MAF: variants seen among roughly 807,000 people sequenced by gnomAD.
MAF encodes the protein MAF bZIP transcription factor, also known as transcription factor Maf.
A neutral mutation model predicts 22.0 loss-of-function variants in MAF; 10 were observed. The observed-to-expected ratio is 0.45, with a 90% CI of 0.28 to 0.77. MAF has a LOEUF of 0.77. Ranked by LOEUF, MAF falls within the 30% of genes least tolerant of loss-of-function variation. The probability of loss-of-function intolerance (pLI) is 0.12; values close to 1 mark genes in which losing one functional copy is unlikely to be tolerated. For synonymous variants in MAF, 337 were observed against 255.8 expected, an observed-to-expected ratio of 1.32 and a Z score of -3.03; for missense variants, 544 against 548.4, an observed-to-expected ratio of 0.99 and a Z score of 0.08.
At chr16:79,469,043 T>G in the MAF span, among the ~76,000 whole-genome samples, 1 of 152,202 alleles carries the variant, frequency 6.6e-6, no homozygotes, top group Non-Finnish European at 1.5e-5. Context: ...CATTTATTCC[T>G]TAGCCACCCC....
the MAF span, among the ~76,000 whole-genome samples, chr16:79,417,547 C>T: frequency 3.3e-5 from 5 of 152,068 alleles, no homozygotes; most frequent in African/African-American, 1.2e-4. Context: ...GCTTCCTGCA[C>T]AGGATCATGG....
chr16:79,550,920 G>C, the MAF span, among the ~76,000 whole-genome samples: 3 of 152,154 alleles, frequency 2.0e-5, no homozygotes, highest in Non-Finnish European at 4.4e-5. Context: ...CAGAACCACA[G>C]CATATGGGGC....
At chr16:79,512,508 A>G in the MAF span, among the ~76,000 whole-genome samples, 1 of 152,004 alleles carries the variant, frequency 6.6e-6, no homozygotes, top group Non-Finnish European at 1.5e-5. Context: ...CAGGTGTCCT[A>G]TTAGGGGAGA....
chr16:79,380,519 CCA>C, the MAF span, among the ~76,000 whole-genome samples: 1 of 152,128 alleles, frequency 6.6e-6, no homozygotes, highest in Admixed American at 6.5e-5. Flanking sequence ...AGTAATTTTC[CCA>C]CAGCTACCTG....
At chr16:79,595,421 C>G (rs775178709) in intron 1 of MAF, 1 of 1,054,190 alleles carries the variant, frequency 9.5e-7, no homozygotes, top group East Asian at 5.3e-5. Context: ...ATCTTTTTTT[C>G]TTTTAAGAAC....
At chr16:79,350,866 AGTGT>A in the MAF span, among the ~76,000 whole-genome samples, 41,704 of 148,346 alleles carry the variant, frequency 0.28, 6,621 homozygotes, top group South Asian at 0.44. Flanking sequence ...AACAGTGAGA[AGTGT>A]GTGTGTGTGT....
At chr16:79,557,762 G>A in the MAF span, among the ~76,000 whole-genome samples, 2 of 152,000 alleles carry the variant, frequency 1.3e-5, no homozygotes, top group Admixed American at 6.5e-5. Context: ...TGTGTTAAGT[G>A]CCTACTGTAT....
At chr16:79,491,019 G>T in the MAF span, among the ~76,000 whole-genome samples, 1 of 152,178 alleles carries the variant, frequency 6.6e-6, no homozygotes, top group East Asian at 1.9e-4. Context: ...AGAGAAAATG[G>T]TGATGAGAAT....
chr16:79,291,491 G>C, the MAF span, among the ~76,000 whole-genome samples: 2 of 151,924 alleles, frequency 1.3e-5, no homozygotes, highest in Non-Finnish European at 2.9e-5. Flanking sequence ...TTGTTTCTGA[G>C]TCTCCTTACC....
the MAF span, among the ~76,000 whole-genome samples, chr16:79,578,436 C>T: frequency 6.6e-6 from 1 of 152,118 alleles, no homozygotes; most frequent in Admixed American, 6.5e-5. Context: ...TTCTTCTCTA[C>T]TTTCACACGA....
chr16:79,502,726 T>A, the MAF span, among the ~76,000 whole-genome samples: 20 of 101,596 alleles, frequency 2.0e-4, no homozygotes, highest in African/African-American at 6.1e-4. Flanking sequence ...TATATATATA[T>A]ATATATATAT....
the MAF span, among the ~76,000 whole-genome samples, chr16:79,343,796 A>C: frequency 6.6e-6 from 1 of 152,258 alleles, no homozygotes; most frequent in Admixed American, 6.5e-5. Context: ...CAGGTCTGAA[A>C]ATTTCTAAAT....
At chr16:79,437,927 C>T in the MAF span, among the ~76,000 whole-genome samples, 1 of 152,136 alleles carries the variant, frequency 6.6e-6, no homozygotes, top group Admixed American at 6.5e-5. Flanking sequence ...TCCGCCTCTG[C>T]AGGGGCTGCT....
the MAF span, among the ~76,000 whole-genome samples, chr16:79,519,650 G>C: frequency 6.6e-6 from 1 of 152,232 alleles, no homozygotes; most frequent in Non-Finnish European, 1.5e-5. Flanking sequence ...GGCCTGGCAG[G>C]AGTCCAAGCC....
chr16:79,506,379 G>A, the MAF span, among the ~76,000 whole-genome samples: 1 of 152,166 alleles, frequency 6.6e-6, no homozygotes, highest in Non-Finnish European at 1.5e-5. Context: ...GGTTTGAACA[G>A]AGAGTGGCTC....
the MAF span, among the ~76,000 whole-genome samples, chr16:79,577,069 T>A: frequency 6.6e-6 from 1 of 151,890 alleles, no homozygotes; most frequent in South Asian, 2.1e-4. Flanking sequence ...TAAATGGTCA[T>A]AAAAGGACAC....
chr16:79,528,139 C>A, the MAF span, among the ~76,000 whole-genome samples: 1 of 152,012 alleles, frequency 6.6e-6, no homozygotes, highest in Non-Finnish European at 1.5e-5. Flanking sequence ...GTGACTCTGT[C>A]TCAAAAAGAA....
At chr16:79,224,818 C>A in the MAF span, among the ~76,000 whole-genome samples, 1 of 152,124 alleles carries the variant, frequency 6.6e-6, no homozygotes, top group Non-Finnish European at 1.5e-5. Context: ...TTATGAAAGA[C>A]CTCTTCAAGG....
At chr16:79,486,127 C>T in the MAF span, among the ~76,000 whole-genome samples, 5 of 152,196 alleles carry the variant, frequency 3.3e-5, no homozygotes, top group East Asian at 1.9e-4. Context: ...CTTCCATGCT[C>T]ACCCATAACT....
Sources: allele counts gnomAD v4.1 joint callset (sites outside exome capture counted in the v4.1 genomes callset), GRCh38; gene constraint gnomAD v4.1.1; transcripts MANE v1.5; gene names NCBI Gene and HGNC (gene_info 2026-07-23, HGNC 2026-07-21).